The following DPP10 variants were observed in gnomAD, a reference collection of about 807,000 sequenced individuals.
DPP10 encodes the protein dipeptidyl peptidase like 10.
Under a neutral mutation model 120.9 loss-of-function variants are expected in DPP10, and 33 were observed. The ratio of observed to expected loss-of-function variants is 0.27; its 90% CI spans 0.21 to 0.37. The LOEUF (loss-of-function observed/expected upper bound fraction) is 0.37, where lower values mean the gene tolerates loss of function less well. Ranked by LOEUF, DPP10 falls within the 10% of genes least tolerant of loss-of-function variation. The pLI, the probability that DPP10 is intolerant of heterozygous loss-of-function variation, is 1.00. For synonymous variants in DPP10, 337 were observed against 326.1 expected (o/e 1.03, Z -0.36); for missense variants, 816 against 942.8 (o/e 0.87, Z 1.76).
chr2:115,033,916 T>G (rs1407746047), intron 1 of DPP10, among the ~76,000 whole-genome samples: 7 of 143,226 alleles, frequency 4.9e-5, no homozygotes, highest in African/African-American at 1.6e-4. Flanking sequence ...TTTTTTTTTT[T>G]GAGACGGAGT....
intron 1 of DPP10, among the ~76,000 whole-genome samples, chr2:115,255,159 A>G (rs1212843948): frequency 6.6e-6 from 1 of 152,216 alleles, no homozygotes; most frequent in Non-Finnish European, 1.5e-5. Flanking sequence ...ATCTTCTGAA[A>G]TCTAGGCGGA....
chr2:115,112,128 G>A (rs945369799), intron 1 of DPP10, among the ~76,000 whole-genome samples: 3 of 151,968 alleles, frequency 2.0e-5, no homozygotes, highest in African/African-American at 7.3e-5. Context: ...TTATTTCCTT[G>A]TTTCTTTCAT....
intron 5 of DPP10, among the ~76,000 whole-genome samples, chr2:115,603,560 G>GTTTTTTTTTTTTTTTTTTT (rs10637786): frequency 3.2e-5 from 4 of 126,408 alleles, no homozygotes; most frequent in Non-Finnish European, 6.3e-5. Context: ...CGTTGTTGTT[G>GTTTTTTTTTTTTTTTTTTT]TTTTTTTTTG....
intron 3 of DPP10, among the ~76,000 whole-genome samples, chr2:115,497,808 C>A (rs920759652): frequency 6.6e-6 from 1 of 151,814 alleles, no homozygotes; most frequent in Admixed American, 6.6e-5. Context: ...ATTGGTGTTG[C>A]TGTTGAGACA....
intron 3 of DPP10, among the ~76,000 whole-genome samples, chr2:115,484,844 A>G (rs2075669044): frequency 6.6e-6 from 1 of 152,028 alleles, no homozygotes; most frequent in East Asian, 1.9e-4. Flanking sequence ...GTTTTCTCCC[A>G]CCTCCTACCT....
chr2:115,121,481 G>T (rs558127517), intron 1 of DPP10, among the ~76,000 whole-genome samples: 2 of 152,306 alleles, frequency 1.3e-5, no homozygotes, highest in South Asian at 2.1e-4. Context: ...GAGCTAGCTG[G>T]AGCTGGAACC....
At chr2:115,071,339 G>C (rs1707352417) in intron 1 of DPP10, among the ~76,000 whole-genome samples, 2 of 152,114 alleles carry the variant, frequency 1.3e-5, no homozygotes, top group African/African-American at 4.8e-5. Context: ...TGCATGTAGA[G>C]ACTATGTTAT....
In DPP10 at chr2:115,781,023, A is replaced by C. The variant is rs749795298; in HGVS notation, c.1483+28A>C. 2.6e-6 allele frequency: 4 copies of C among 1,518,124 alleles called. No individual in the cohort carries two copies. The East Asian group carries it at 9.2e-5, about 35-fold the overall frequency. 94.0% of individuals were successfully genotyped at this position (1,518,124 alleles called of 1,614,324 possible). ...AAGATAATACATGAATTCTGATATA[A>C]TATATTTTATTCATTGTATTTGGTC... On this transcript the variant is annotated intron_variant, in intron 16 of 25. Transcript: ENST00000410059.
intron 7 of DPP10, 28 bp downstream of exon 7, chr2:115,689,949 A>C (rs1484359361): frequency 1.3e-6 from 2 of 1,591,062 alleles, no homozygotes; most frequent in African/African-American, 2.7e-5. Flanking sequence ...TATGCACTGA[A>C]CACTGCCAAT....
chr2:115,130,987 G>C (rs951827762), intron 1 of DPP10: 2 of 152,122 alleles, frequency 1.3e-5, no homozygotes, highest in African/African-American at 4.8e-5. Flanking sequence ...TACCCACAGA[G>C]TTCTTCCTAA....
At chr2:114,939,493 T>C (rs1696736433) in intron 1 of DPP10, among the ~76,000 whole-genome samples, 2 of 152,196 alleles carry the variant, frequency 1.3e-5, no homozygotes, top group South Asian at 4.1e-4. Context: ...ACTACCTTAA[T>C]AGATATGACT....
chr2:114,925,184 C>T (rs1282544117), intron 1 of DPP10, among the ~76,000 whole-genome samples: 1 of 135,644 alleles, frequency 7.4e-6, no homozygotes, highest in Non-Finnish European at 1.5e-5. Flanking sequence ...GCACTCCAGC[C>T]TGGGCAACAG....
chr2:115,440,029 C>G (rs574538996), intron 3 of DPP10, among the ~76,000 whole-genome samples: 1 of 152,082 alleles, frequency 6.6e-6, no homozygotes, highest in African/African-American at 2.4e-5. Context: ...GCTACTATTT[C>G]TTAATTTTCA....
intron 1 of DPP10, among the ~76,000 whole-genome samples, chr2:115,178,332 G>A (rs562511902): frequency 6.6e-6 from 1 of 152,098 alleles, no homozygotes; most frequent in Admixed American, 6.5e-5. Context: ...CAGGTTCAAA[G>A]CCCGGTTCTG....
chr2:115,840,566 G>A lies in DPP10; in HGVS notation c.2183-184G>A, dbSNP rs141563344. Among the ~76,000 whole-genome samples, 198 of 151,486 alleles carry A rather than the reference G, an allele frequency of 1.3e-3. 1 individual carries two copies. Among genetic ancestry groups the A allele is most frequent in the African/African-American group, 4.6e-3 (190 of 41,324 alleles). ...GTCTCGATCTCCTGACCTTGTGATC[G>A]GCCCACCTCGGCCTCCCAAAGTGCT... On this transcript the variant is annotated intron_variant, in intron 24 of 25. Transcript: ENST00000410059.
intron 1 of DPP10, among the ~76,000 whole-genome samples, chr2:114,914,086 A>G (rs1329771610): frequency 9.9e-5 from 15 of 152,246 alleles, no homozygotes; most frequent in Non-Finnish European, 1.3e-4. Context: ...TAAAGAGACC[A>G]AATCTATGAT....
chr2:115,095,287 T>C (rs1176133033), intron 1 of DPP10, among the ~76,000 whole-genome samples: 2 of 152,074 alleles, frequency 1.3e-5, no homozygotes, highest in African/African-American at 4.8e-5. Context: ...AAGAAAAAAG[T>C]TAGTGGAGTT....
At chr2:114,835,816 A>G (rs1687688804) in intron 1 of DPP10, among the ~76,000 whole-genome samples, 1 of 152,220 alleles carries the variant, frequency 6.6e-6, no homozygotes, top group Non-Finnish European at 1.5e-5. Context: ...TTGTGTTTCT[A>G]ATCTTCTCAG....
At chr2:114,870,706 C>T (rs1690625377) in intron 1 of DPP10, among the ~76,000 whole-genome samples, 1 of 135,450 alleles carries the variant, frequency 7.4e-6, no homozygotes, top group Admixed American at 7.7e-5. Flanking sequence ...AAAATGATTC[C>T]AATGGTCAGG....
Sources: gnomAD v4.1 joint callset for allele counts (sites outside exome capture counted in the v4.1 genomes callset) on GRCh38, gnomAD v4.1.1 for gene constraint, MANE v1.5 for transcripts, NCBI Gene and HGNC (gene_info 2026-07-23, HGNC 2026-07-21) for gene names.